Variants in NEGR1 observed in about 807,000 individuals in gnomAD.
The protein encoded by NEGR1 is neuronal growth regulator 1.
Under a neutral mutation model 40.9 loss-of-function variants are expected in NEGR1, and 10 were observed. The ratio of observed to expected loss-of-function variants is 0.24; its 90% CI spans 0.15 to 0.42. The LOEUF is 0.42. Among genes scored for constraint, NEGR1 ranks in the 10% least tolerant of loss-of-function variants. NEGR1 has a pLI of 1.00. For missense variants in NEGR1, 352 were observed against 438.9 expected, an observed-to-expected ratio of 0.80 and a Z score of 1.77; for synonymous variants, 185 against 166.8, an observed-to-expected ratio of 1.11 and a Z score of -0.84.
intron 2 of NEGR1, among the ~76,000 whole-genome samples, chr1:71,833,461 A>G (rs1280303348): frequency 6.6e-6 from 1 of 151,924 alleles, no homozygotes; most frequent in Non-Finnish European, 1.5e-5. Flanking sequence ...GGTCAAGACT[A>G]GAATTCTCTA....
intron 5 of NEGR1, among the ~76,000 whole-genome samples, chr1:71,606,265 G>A (rs1650072021): frequency 6.6e-6 from 1 of 152,140 alleles, no homozygotes; most frequent in Non-Finnish European, 1.5e-5. Context: ...CATCCACGTG[G>A]CAATTAACTG....
At chr1:71,876,751 G>A (rs1423230229) in intron 2 of NEGR1, among the ~76,000 whole-genome samples, 1 of 152,132 alleles carries the variant, frequency 6.6e-6, no homozygotes, top group East Asian at 1.9e-4. Context: ...TCAGGGAGTG[G>A]AAGAAACTGA....
intron 4 of NEGR1, among the ~76,000 whole-genome samples, chr1:71,614,257 T>TTA (rs537792046): frequency 4.0e-4 from 60 of 151,790 alleles, no homozygotes; most frequent in African/African-American, 1.4e-3. Flanking sequence ...ACACCCAGTT[T>TTA]TATATATATA....
intron 5 of NEGR1, among the ~76,000 whole-genome samples, chr1:71,610,343 C>A (rs1650213217): frequency 6.6e-6 from 1 of 152,136 alleles, no homozygotes; most frequent in Non-Finnish European, 1.5e-5. Context: ...CGATTGATAA[C>A]AGAATTTGAA....
chr1:72,018,641 A>G (rs1646731893), intron 1 of NEGR1, among the ~76,000 whole-genome samples: 1 of 152,208 alleles, frequency 6.6e-6, no homozygotes, highest in East Asian at 1.9e-4. Flanking sequence ...AAGTGCCACA[A>G]AGCAAAATGA....
rs1366280900 is a variant in NEGR1 at position 72,135,193 on chromosome 1, G to A, written c.176+147126C>T. On this transcript the variant is annotated intron_variant, in intron 1 of 6. Coordinates refer to ENST00000357731, the MANE Select transcript of NEGR1 (RefSeq NM_173808.3). ...AGATCGAGACCATCCCGGCTAACAC[G>A]GTGAAACCCCGTCTGTACTAAAAAT... Among the ~76,000 whole-genome samples, 4 of 150,002 alleles carry A rather than the reference G, an allele frequency of 2.7e-5. No homozygotes were observed. In the East Asian group the frequency reaches 8.0e-4, roughly 30 times the overall value.
chr1:72,083,452 G>A (rs963127346), intron 1 of NEGR1, among the ~76,000 whole-genome samples: 7 of 152,008 alleles, frequency 4.6e-5, no homozygotes, highest in African/African-American at 1.7e-4. Context: ...TCGAAATCCT[G>A]AGCTTAAGTG....
chr1:72,049,440 G>A lies in NEGR1; in HGVS notation c.177-114129C>T, dbSNP rs961368082. Among the ~76,000 whole-genome samples the A allele has an allele frequency of 5.3e-5, 8 of 151,662 alleles. No homozygotes were observed. The Admixed American group carries it at 5.3e-4, about 10-fold the overall frequency. On this transcript the variant is annotated intron_variant, in intron 1 of 6. Coordinates refer to ENST00000357731, the MANE Select transcript of NEGR1 (RefSeq NM_173808.3). ...AGGCAGAGAAAATAGTAAGTACAAA[G>A]AGATATTTCAATGACCACAAGTGGT...
At chr1:71,783,481 T>C (rs1335869848) in intron 2 of NEGR1, among the ~76,000 whole-genome samples, 1 of 152,150 alleles carries the variant, frequency 6.6e-6, no homozygotes, top group Non-Finnish European at 1.5e-5. Flanking sequence ...TATGACTGAC[T>C]TGTCACAGTT....
chr1:72,025,466 G>A (rs1646799000), intron 1 of NEGR1, among the ~76,000 whole-genome samples: 1 of 152,182 alleles, frequency 6.6e-6, no homozygotes, highest in East Asian at 1.9e-4. Context: ...ATAATTCATT[G>A]ATTCAATAAC....
rs1646535835 is a variant in NEGR1 at position 71,439,901 on chromosome 1, T to G, written c.941-32331A>C. 3 of 151,996 alleles carry G rather than the reference T, an allele frequency of 2.0e-5. 1 individual carries two copies. The highest frequency in any genetic ancestry group is 7.2e-5 in the African/African-American group (3 of 41,426). 9.4% of individuals were successfully genotyped at this position (151,996 alleles called of 1,614,324 possible). ...ATATATATATAAATAAATTTTGGTC[T>G]GTTCTTGTTTTTCTTCAGCCTCATG... On this transcript the variant is annotated intron_variant, in intron 6 of 6. Coordinates refer to ENST00000357731, the MANE Select transcript of NEGR1 (RefSeq NM_173808.3).
chr1:71,584,814 G>A (rs996411230), intron 6 of NEGR1, among the ~76,000 whole-genome samples: 1 of 152,166 alleles, frequency 6.6e-6, no homozygotes, highest in African/African-American at 2.4e-5. Context: ...TCTTTTGACT[G>A]GAAATGTTGG....
rs1021506304 is a variant in NEGR1, at chr1:71,657,526, C to T, written c.667+40482G>A. On this transcript the variant is annotated intron_variant, in intron 4 of 6. Coordinates refer to ENST00000357731, the MANE Select transcript of NEGR1 (RefSeq NM_173808.3). ...TTAGTTTTTTTCTCATTAGAAATATCCAACATGAAGAAACTAATTTAGAAA... is the reference window on the plus strand; with the variant it reads ...TTAGTTTTTTTCTCATTAGAAATATTCAACATGAAGAAACTAATTTAGAAA... Among the ~76,000 whole-genome samples, 6 of 152,040 alleles carry T rather than the reference C, an allele frequency of 3.9e-5. No individual in the cohort carries two copies. The Middle Eastern group carries it at 0.01, about 259-fold the overall frequency.
At chr1:72,053,842 T>C (rs1647085398) in intron 1 of NEGR1, among the ~76,000 whole-genome samples, 2 of 147,324 alleles carry the variant, frequency 1.4e-5, no homozygotes, top group South Asian at 2.2e-4. Context: ...ATTAAGTATC[T>C]CAAAAACGAA....
intron 2 of NEGR1, among the ~76,000 whole-genome samples, chr1:71,795,499 T>C (rs1657291118): frequency 6.6e-6 from 1 of 152,060 alleles, no homozygotes. Context: ...CCATCTATAC[T>C]CAAGAAATTC....
At chr1:71,881,648 G>A (rs1660587437) in intron 2 of NEGR1, among the ~76,000 whole-genome samples, 1 of 152,016 alleles carries the variant, frequency 6.6e-6, no homozygotes, top group Non-Finnish European at 1.5e-5. Context: ...GAAGAAAAAA[G>A]TCTTAACTAT....
intron 6 of NEGR1, among the ~76,000 whole-genome samples, chr1:71,435,396 C>A (rs569905836): frequency 6.6e-6 from 1 of 152,042 alleles, no homozygotes; most frequent in South Asian, 2.1e-4. Flanking sequence ...TAAAAAAATG[C>A]CAAGATAACG....
At chr1:71,442,831 C>G (rs116318490) in intron 6 of NEGR1, among the ~76,000 whole-genome samples, 74 of 152,242 alleles carry the variant, frequency 4.9e-4, no homozygotes, top group African/African-American at 1.6e-3. Flanking sequence ...TGACTTTGAT[C>G]GTTTGACAGA....
chr1:71,522,818 G>C (rs1327564045), intron 6 of NEGR1, among the ~76,000 whole-genome samples: 2 of 151,282 alleles, frequency 1.3e-5, no homozygotes, highest in South Asian at 4.2e-4. Context: ...GCTCCTATGT[G>C]TGCTTGCCTA....
Sources: allele counts gnomAD v4.1 joint callset (sites outside exome capture counted in the v4.1 genomes callset), GRCh38; gene constraint gnomAD v4.1.1; transcripts MANE v1.5; gene names NCBI Gene and HGNC (gene_info 2026-07-23, HGNC 2026-07-21).